S100A10: variants seen among roughly 807,000 people sequenced by gnomAD.
S100A10 encodes protein S100-A10.
S100A10 carries 3 observed loss-of-function variants against 7.1 expected under a neutral mutation model. The ratio of observed to expected loss-of-function variants is 0.42; its 90% CI spans 0.19 to 1.10. The LOEUF (loss-of-function observed/expected upper bound fraction) is 1.10. S100A10 is among the 50% of genes least tolerant of loss of function. The pLI, the probability that S100A10 is intolerant of heterozygous loss-of-function variation, is 0.29. For missense variants in S100A10, 101 were observed against 118.1 expected, an observed-to-expected ratio of 0.86 and a Z score of 0.67; for synonymous variants, 41 against 39.3, an observed-to-expected ratio of 1.04 and a Z score of -0.16.
intron 2 of S100A10, 84 bp downstream of exon 2, chr1:151,986,015 G>A: frequency 1.6e-6 from 2 of 1,223,500 alleles, no homozygotes. Flanking sequence ...CACAGGGAAG[G>A]GATGGAAACA....
chr1:151,987,025 CTCTTTT>C (rs1224388036), intron 1 of S100A10, among the ~76,000 whole-genome samples: 2 of 97,092 alleles, frequency 2.1e-5, no homozygotes, highest in African/African-American at 7.2e-5. Context: ...ATCAGTGTTC[CTCTTTT>C]TTTTTTTTTT....
chr1:151,988,147 A>C (rs979995215), intron 1 of S100A10, among the ~76,000 whole-genome samples: 1 of 152,232 alleles, frequency 6.6e-6, no homozygotes, highest in Non-Finnish European at 1.5e-5. Flanking sequence ...AACTAGGGGT[A>C]TATGTCTCAC....
intron 1 of S100A10, among the ~76,000 whole-genome samples, chr1:151,987,132 G>A (rs1451345132): frequency 1.4e-5 from 2 of 141,106 alleles, no homozygotes; most frequent in Admixed American, 8.2e-5. Flanking sequence ...CGCCTCCCAG[G>A]TAGCTGGGAT....
chr1:151,985,479 T>C (rs974144836), intron 2 of S100A10: 9 of 151,818 alleles, frequency 5.9e-5, no homozygotes, highest in Non-Finnish European at 1.2e-4. Flanking sequence ...TCCTGTGCTG[T>C]CAGAGCATTA....
intron 2 of S100A10, among the ~76,000 whole-genome samples, chr1:151,985,753 C>T (rs553616370): frequency 6.6e-6 from 1 of 152,266 alleles, no homozygotes; most frequent in East Asian, 1.9e-4. Context: ...TCCCCAACAT[C>T]GTCACAACAG....
rs940529432 is a variant in S100A10, at chr1:151,993,444, G to A, written c.-22+308C>T. On this transcript the variant is annotated intron_variant, in intron 1 of 2. Coordinates refer to ENST00000368811, the MANE Select transcript of S100A10 (RefSeq NM_002966.3). This position sits in a 1 kb window ranked among gnomAD's most constrained non-coding sequence, Gnocchi z 5.1. ...GTAGGAAAGGTGGGAGTAAAGCAAC[G>A]CAAACATAAAGGGAGGAGGGAAGAG... 1.5e-4 allele frequency among the ~76,000 whole-genome samples: 23 copies of A among 152,332 alleles called. No homozygotes were observed. Among genetic ancestry groups the A allele is most frequent in the African/African-American group, 5.3e-4 (22 of 41,572 alleles).
chr1:151,986,245 T>C lies in S100A10; in HGVS notation c.-15A>G, dbSNP rs1399179613. 8 of 1,593,988 alleles carry C rather than the reference T, an allele frequency of 5.0e-6. No individual in the cohort carries two copies. The highest frequency in any genetic ancestry group is 1.1e-5 in the South Asian group (1 of 87,012). On this transcript the variant is annotated 5_prime_UTR_variant, in exon 2 of 3. Coordinates refer to ENST00000368811, the MANE Select transcript of S100A10 (RefSeq NM_002966.3). Reference sequence around the variant, plus strand: ...TGAGATGGCATTTTGGTGTGGTCCGTTGAAGCCTATTAAAGGATGTAAAGT... The same window carrying C: ...TGAGATGGCATTTTGGTGTGGTCCGCTGAAGCCTATTAAAGGATGTAAAGT...
In S100A10 at chr1:151,983,246, T is replaced by C. The variant is rs374528021; in HGVS notation, c.211A>G (p.Ser71Gly). The change falls in exon 3 of 3, where the codon AGC becomes GGC. Residue 71 changes from serine to glycine, a missense_variant. By Grantham distance (56) the Ser-to-Gly change is moderately conservative. Transcript: ENST00000368811. ...AGGCCCGCAATTAGGGAAAAGAAGCTCTGGAAGCCCACTTTGCCATCTCTA... is the reference window on the plus strand; with the variant it reads ...AGGCCCGCAATTAGGGAAAAGAAGCCCTGGAAGCCCACTTTGCCATCTCTA... ...QCRDGKVGFQ[S>G]FFSLIAGLTI... is the part of the protein sequence containing the mutation. 2 of 1,606,622 alleles carry C rather than the reference T, an allele frequency of 1.2e-6. No homozygotes were observed. The highest frequency in any genetic ancestry group is 8.5e-7 in the Non-Finnish European group (1 of 1,176,854).
intron 1 of S100A10, among the ~76,000 whole-genome samples, chr1:151,989,069 G>C (rs535928171): frequency 3.4e-4 from 52 of 152,294 alleles, no homozygotes; most frequent in Non-Finnish European, 5.9e-4. Flanking sequence ...AATTAAGAAA[G>C]GGAATGCAGC....
At chr1:151,986,318 AT>A in intron 1 of S100A10, 67 bp from the exon 2 acceptor site, 74 of 1,109,212 alleles carry the variant, frequency 6.7e-5, no homozygotes, top group South Asian at 8.6e-5. Flanking sequence ...GCATGAATTT[AT>A]TTTTTTTAAA....
In S100A10 at chr1:151,993,335, T is replaced by A. The variant is rs960276397; in HGVS notation, c.-22+417A>T. Among the ~76,000 whole-genome samples, 3 of 151,988 alleles carry A rather than the reference T, an allele frequency of 2.0e-5. No individual in the cohort carries two copies. The highest frequency in any genetic ancestry group is 4.4e-5 in the Non-Finnish European group (3 of 67,978). On this transcript the variant is annotated intron_variant, in intron 1 of 2. Coordinates refer to ENST00000368811, the MANE Select transcript of S100A10 (RefSeq NM_002966.3). This position sits in a 1 kb window ranked among gnomAD's most constrained non-coding sequence, Gnocchi z 5.1. ...AGGCTACGAACATGCAGACCCGGCC[T>A]GCGAGCGGAACCCACCAAGAAACAC... is the stretch of plus-strand genomic sequence containing the variant.
intron 2 of S100A10, among the ~76,000 whole-genome samples, 187 bp from the exon 3 acceptor site, chr1:151,983,511 C>A (rs1303904546): frequency 4.1e-5 from 6 of 145,616 alleles, no homozygotes; most frequent in Non-Finnish European, 9.0e-5. Flanking sequence ...GGGAGCATTT[C>A]AGTAATTTCA....
chr1:151,989,890 G>A (rs990600535), intron 1 of S100A10, among the ~76,000 whole-genome samples: 1 of 152,248 alleles, frequency 6.6e-6, no homozygotes, highest in African/African-American at 2.4e-5. Context: ...CTTGGGGCTG[G>A]GGCTGAGGGG....
chr1:151,984,672 T>G (rs980476016), intron 2 of S100A10, among the ~76,000 whole-genome samples: 1 of 152,220 alleles, frequency 6.6e-6, no homozygotes, highest in African/African-American at 2.4e-5. Flanking sequence ...ACAACACTCT[T>G]AACAAGTGTT....
intron 1 of S100A10, chr1:151,992,389 G>A (rs1655923586): frequency 6.6e-6 from 1 of 152,184 alleles, no homozygotes; most frequent in Non-Finnish European, 1.5e-5. Context: ...GGCTGAGGCA[G>A]GCTGCCAGGC....
rs942351107 is a variant in S100A10, at chr1:151,983,178, C to T, written c.279G>A (p.Gln93=). 1 of 1,580,650 alleles carries T rather than the reference C, an allele frequency of 6.3e-7. No homozygotes were observed. The highest frequency in any genetic ancestry group is 1.2e-5 in the South Asian group (1 of 84,804). Residue 93 remains glutamine, a synonymous_variant, in exon 3 of 3, where the codon CAG becomes CAA. Transcript: ENST00000368811. ...CNDYFVVHMK[Q]KGKK The stretch of plus-strand genomic sequence containing the variant: ...TCATTTCTGCCTACTTCTTTCCCTT[C>T]TGCTTCATGTGTACTACAAAATAGT...
At chr1:151,987,216 G>T (rs1655811874) in intron 1 of S100A10, among the ~76,000 whole-genome samples, 1 of 151,822 alleles carries the variant, frequency 6.6e-6, no homozygotes, top group African/African-American at 2.4e-5. Flanking sequence ...ATGTTGAGCA[G>T]GCTGGTCTCA....
Position 151,993,552 on chromosome 1 carries a change from G to T in S100A10, c.-22+200C>A, listed in dbSNP as rs992168708. Among the ~76,000 whole-genome samples the T allele has an allele frequency of 2.6e-5, 4 of 152,302 alleles. No individual in the cohort carries two copies. Among genetic ancestry groups the T allele is most frequent in the African/African-American group, 9.6e-5 (4 of 41,576 alleles). On this transcript the variant is annotated intron_variant, in intron 1 of 2. Transcript: ENST00000368811. The surrounding 1 kb of genome is among the most constrained non-coding windows in gnomAD (Gnocchi z 5.1). ...TCCGCGTGGGTCTGGGGGCGGCCGCGCCCGGGCCGGGGAGGGGCGCTGCTG... is the reference window on the plus strand; with the variant it reads ...TCCGCGTGGGTCTGGGGGCGGCCGCTCCCGGGCCGGGGAGGGGCGCTGCTG...
At chr1:151,991,557 A>C (rs926527808) in intron 1 of S100A10, among the ~76,000 whole-genome samples, 3 of 152,254 alleles carry the variant, frequency 2.0e-5, no homozygotes, top group Non-Finnish European at 4.4e-5. Flanking sequence ...AAAATTGTTT[A>C]AAAGAAGTAC....
Sources: gnomAD v4.1 joint callset for allele counts (sites outside exome capture counted in the v4.1 genomes callset) on GRCh38, gnomAD v4.1.1 for gene constraint, Gnocchi (gnomAD v3.1) non-coding constraint, MANE v1.5 for transcripts, NCBI Gene and HGNC (gene_info 2026-07-23, HGNC 2026-07-21) for gene names.